CATSPER4: variants seen among roughly 807,000 people sequenced by gnomAD.
The protein encoded by CATSPER4 is cation channel sperm associated 4.
CATSPER4 carries 46 observed loss-of-function variants against 54.4 expected under a neutral mutation model. The observed-to-expected ratio is 0.84, with a 90% CI of 0.67 to 1.08. CATSPER4 has a LOEUF of 1.08. CATSPER4 is among the 50% of genes least tolerant of loss of function. The probability of loss-of-function intolerance (pLI) is 0.00; values close to 1 mark genes in which losing one functional copy is unlikely to be tolerated. For missense variants in CATSPER4, 574 were observed against 612.8 expected (o/e 0.94, Z 0.67); for synonymous variants, 230 against 231.9 (o/e 0.99, Z 0.08).
intron 7 of CATSPER4, among the ~76,000 whole-genome samples, 184 bp from the exon 8 acceptor site, chr1:26,200,646 G>A (rs1317297163): frequency 6.6e-6 from 1 of 152,044 alleles, no homozygotes; most frequent in Non-Finnish European, 1.5e-5. Context: ...GGTGGGGGGA[G>A]GTCATGTGCA....
intron 3 of CATSPER4, 124 bp from the exon 4 acceptor site, chr1:26,197,562 A>G: frequency 1.4e-6 from 1 of 717,700 alleles, no homozygotes; most frequent in South Asian, 1.5e-5. Flanking sequence ...AGTGGATGGC[A>G]GCTGACTGGC....
chr1:26,202,740 A>G lies in CATSPER4; in HGVS notation c.*198A>G, dbSNP rs556463096. The G allele has an allele frequency of 4.5e-5, 28 of 628,026 alleles. No individual in the cohort carries two copies. The highest frequency in any genetic ancestry group is 4.4e-4 in the African/African-American group (24 of 54,494). 38.9% of individuals were successfully genotyped at this position (628,026 alleles called of 1,614,324 possible). ...CCCAGGTCCGGTGGAGCAAGGAGAGAGGAGGATGCTGGATGATGAGAGTGG... is the reference window on the plus strand; with the variant it reads ...CCCAGGTCCGGTGGAGCAAGGAGAGGGGAGGATGCTGGATGATGAGAGTGG... On this transcript the variant is annotated 3_prime_UTR_variant, in exon 10 of 10. Transcript: ENST00000456354.
chr1:26,200,533 G>T (rs1237826610), intron 7 of CATSPER4, among the ~76,000 whole-genome samples: 8 of 152,094 alleles, frequency 5.3e-5, no homozygotes, highest in African/African-American at 1.9e-4. Flanking sequence ...GGAGGCCTGG[G>T]CTTGAGGGTA....
chr1:26,200,695 G>C, intron 7 of CATSPER4, 135 bp from the exon 8 acceptor site: 2 of 718,116 alleles, frequency 2.8e-6, no homozygotes, highest in Non-Finnish European at 5.0e-6. Flanking sequence ...GTGAGGCTAA[G>C]ATTGGTGAGA....
intron 3 of CATSPER4, among the ~76,000 whole-genome samples, chr1:26,196,459 T>C (rs1449746331): frequency 7.8e-5 from 11 of 140,548 alleles, no homozygotes; most frequent in African/African-American, 2.9e-4. Context: ...TTGCTCAGGC[T>C]GGAGTGCAAT....
chr1:26,201,213 C>A, intron 8 of CATSPER4, 141 bp from the exon 9 acceptor site: 1 of 1,029,832 alleles, frequency 9.7e-7, no homozygotes, highest in Non-Finnish European at 1.5e-6. Context: ...TTCCTTCCAT[C>A]TCACACAAGG....
In CATSPER4 at chr1:26,202,923, G is replaced by A. The variant is rs960063353; in HGVS notation, c.*381G>A. The A allele has an allele frequency of 8.6e-5, 26 of 302,734 alleles. No individual in the cohort carries two copies. In the East Asian group the frequency reaches 9.5e-4, roughly 11 times the overall value. 18.8% of individuals were successfully genotyped at this position (302,734 alleles called of 1,614,324 possible). A position where few individuals can be genotyped will look rare whatever the true frequency, so the allele number is the denominator to read the frequency against. ...AAGAAGAGAAAGGCAAGGCCAGTGG[G>A]GCCAGACATCTGTGTGTTGACAATA... is the stretch of plus-strand genomic sequence containing the variant. On this transcript the variant is annotated 3_prime_UTR_variant, in exon 10 of 10. Transcript: ENST00000456354.
At chr1:26,201,161 C>T in intron 8 of CATSPER4, 120 bp downstream of exon 8, 2 of 995,896 alleles carry the variant, frequency 2.0e-6, no homozygotes, top group Non-Finnish European at 3.2e-6. Flanking sequence ...CCACAGAGGT[C>T]CCCCACCCTA....
intron 3 of CATSPER4, among the ~76,000 whole-genome samples, 166 bp downstream of exon 3, chr1:26,194,054 C>T (rs557057349): frequency 1.3e-5 from 2 of 152,298 alleles, no homozygotes. Context: ...GTAACTGGTA[C>T]TAGAAGTGCA....
chr1:26,200,143 T>G, intron 7 of CATSPER4, 85 bp downstream of exon 7: 1 of 1,475,668 alleles, frequency 6.8e-7, no homozygotes. Context: ...TGTGTGTGCT[T>G]GCATAATCAA....
intron 8 of CATSPER4, 109 bp from the exon 9 acceptor site, chr1:26,201,244 CT>C: frequency 3.2e-6 from 4 of 1,236,390 alleles, no homozygotes; most frequent in Non-Finnish European, 4.7e-6. Context: ...GCCTGGGTCT[CT>C]GTCAGGGCTG....
At chr1:26,196,913 C>CTTTTTTTTTTTTT (rs1230900409) in intron 3 of CATSPER4, among the ~76,000 whole-genome samples, 1 of 71,402 alleles carries the variant, frequency 1.4e-5, no homozygotes, top group Non-Finnish European at 3.0e-5. Context: ...TCTTTTCTTT[C>CTTTTTTTTTTTTT]TTTTTTTTTT....
In CATSPER4 at chr1:26,198,021, CT is replaced by C. The variant is rs1188957655; in HGVS notation, c.623del (p.Leu208ArgfsTer26). 4 of 1,613,998 alleles carry C rather than the reference CT, an allele frequency of 2.5e-6. No individual in the cohort carries two copies. Among genetic ancestry groups the C allele is most frequent in the Non-Finnish European group, 3.4e-6 (4 of 1,180,014 alleles). Reference protein sequence around the residue: ...EPLARIIRVILQSVPDMANIM... With the variant: ...EPLARIIRVIXQSVPDMANIM... ...CCTCGCCCGGATCATCCGCGTCATC[CT>C]GCAGTCGGTGCCTGACATGGCCAAT... is the stretch of plus-strand genomic sequence containing the variant. On this transcript the variant is annotated frameshift_variant, in exon 5 of 10. Transcript: ENST00000456354. LOFTEE classifies it high-confidence loss of function.
intron 8 of CATSPER4, 57 bp downstream of exon 8, chr1:26,201,098 G>A (rs2124530252): frequency 7.1e-7 from 1 of 1,417,290 alleles, no homozygotes; most frequent in South Asian, 1.1e-5. Flanking sequence ...TGGGCGGAGC[G>A]TCAGAGTCTT....
At chr1:26,200,730 T>C in intron 7 of CATSPER4, 100 bp from the exon 8 acceptor site, 3 of 913,510 alleles carry the variant, frequency 3.3e-6, no homozygotes. Context: ...CTTAGAACCC[T>C]GGGGTCCTAA....
At chr1:26,193,182 G>A (rs1283753556) in intron 2 of CATSPER4, among the ~76,000 whole-genome samples, 1 of 152,092 alleles carries the variant, frequency 6.6e-6, no homozygotes. Context: ...GGAGTTTCGA[G>A]GTTGAGAGAA....
intron 3 of CATSPER4, among the ~76,000 whole-genome samples, chr1:26,196,747 G>A (rs762107058): frequency 6.6e-6 from 1 of 151,860 alleles, no homozygotes; most frequent in African/African-American, 2.4e-5. Flanking sequence ...ATGTAATTTT[G>A]TACTTCAACC....
rs900001219 is a variant in CATSPER4, at chr1:26,191,177, T to C, written c.214-110T>C. ...ATTCCATGATCCACTCTCAGATGAT[T>C]TCCCCCCTCTAGAGTGGGCCCCAGG... On this transcript the variant is annotated intron_variant, in intron 1 of 9. Coordinates refer to ENST00000456354, the MANE Select transcript of CATSPER4 (RefSeq NM_198137.2). 12 of 1,277,308 alleles carry C rather than the reference T, an allele frequency of 9.4e-6. No individual in the cohort carries two copies. In the African/African-American group the frequency reaches 1.3e-4, roughly 14 times the overall value. The allele number at this position is 1,277,308 out of a possible 1,614,324, so 79.1% of individuals were successfully genotyped here.
At chr1:26,200,165 A>T in intron 7 of CATSPER4, 107 bp downstream of exon 7, 4 of 1,355,078 alleles carry the variant, frequency 3.0e-6, no homozygotes, top group Non-Finnish European at 4.0e-6. Flanking sequence ...GGCCTGGAGA[A>T]AGCCAAGTTG....
Sources: allele counts gnomAD v4.1 joint callset (sites outside exome capture counted in the v4.1 genomes callset), GRCh38; gene constraint gnomAD v4.1.1; transcripts MANE v1.5; gene names NCBI Gene and HGNC (gene_info 2026-07-23, HGNC 2026-07-21).